The following ANKS1B variants were observed in gnomAD, a reference collection of about 807,000 sequenced individuals.
ANKS1B encodes the protein ankyrin repeat and sterile alpha motif domain containing 1B.
Under a neutral mutation model 148.3 loss-of-function variants are expected in ANKS1B, and 36 were observed. The ratio of observed to expected loss-of-function variants is 0.24; its 90% confidence interval spans 0.19 to 0.32. The LOEUF (loss-of-function observed/expected upper bound fraction) is 0.32, where lower values mean the gene tolerates loss of function less well. Among genes scored for constraint, ANKS1B ranks in the 10% least tolerant of loss-of-function variants. The probability of loss-of-function intolerance (pLI) is 1.00; values close to 1 mark genes in which losing one functional copy is unlikely to be tolerated. For synonymous variants in ANKS1B, 542 were observed against 560.8 expected (o/e 0.97, Z 0.47); for missense variants, 1,157 against 1,542.6 (o/e 0.75, Z 4.19).
At position 99,257,161 on chromosome 12, in the gene ANKS1B, G is replaced by A. The variant is rs917150119; in HGVS notation, c.1757-10297C>T. Among the ~76,000 whole-genome samples, 7 of 151,896 alleles carry A rather than the reference G, an allele frequency of 4.6e-5. No homozygotes were observed. In the East Asian group the frequency reaches 7.7e-4, roughly 17 times the overall value. ...CCGGAGGCTGAGGCAGGAGAATGGCGTGAACCCGGGAGGCGGAGCTTGCAG... is the reference window on the plus strand; with the variant it reads ...CCGGAGGCTGAGGCAGGAGAATGGCATGAACCCGGGAGGCGGAGCTTGCAG... On this transcript the variant is annotated intron_variant, in intron 12 of 26. Transcript: ENST00000683438.
intron 17 of ANKS1B, among the ~76,000 whole-genome samples, chr12:98,898,596 T>C (rs534013548): frequency 4.0e-4 from 61 of 152,288 alleles, no homozygotes; most frequent in African/African-American, 1.4e-3. Context: ...GATTCTGTGA[T>C]GCACCAGGAT....
intron 26 of ANKS1B, among the ~76,000 whole-genome samples, chr12:98,750,629 G>C (rs1385129833): frequency 1.3e-5 from 2 of 152,178 alleles, no homozygotes; most frequent in African/African-American, 4.8e-5. Flanking sequence ...CAATACGGCA[G>C]CCGGGGCAGA....
intron 22 of ANKS1B, among the ~76,000 whole-genome samples, chr12:98,798,497 A>C (rs1023975889): frequency 1.3e-5 from 2 of 152,058 alleles, no homozygotes; most frequent in African/African-American, 2.4e-5. Flanking sequence ...AAAATAAAAA[A>C]AAAAAACTGA....
chr12:99,693,754 C>G (rs1240277082), intron 8 of ANKS1B, among the ~76,000 whole-genome samples: 1 of 150,894 alleles, frequency 6.6e-6, no homozygotes, highest in East Asian at 2.0e-4. Context: ...TTCCTACACA[C>G]TGGTCTTTCA....
chr12:99,420,504 T>A (rs2152709709), intron 11 of ANKS1B, among the ~76,000 whole-genome samples: 1 of 152,314 alleles, frequency 6.6e-6, no homozygotes, highest in African/African-American at 2.4e-5. Flanking sequence ...TGTCATAATA[T>A]GATAGCAATA....
chr12:99,331,510 AAGC>A (rs1278652918), intron 12 of ANKS1B, among the ~76,000 whole-genome samples: 2 of 152,054 alleles, frequency 1.3e-5, no homozygotes, highest in East Asian at 3.9e-4. Context: ...GAGTTCTCCT[AAGC>A]CACCCTACAG....
intron 9 of ANKS1B, among the ~76,000 whole-genome samples, chr12:99,508,038 A>G (rs1487691575): frequency 6.6e-6 from 1 of 151,948 alleles, no homozygotes; most frequent in Non-Finnish European, 1.5e-5. Flanking sequence ...ATCAATAAAA[A>G]ATAAATTTTT....
chr12:99,780,095 A>T, intron 5 of ANKS1B, 123 bp from the exon 6 acceptor site: 1 of 702,976 alleles, frequency 1.4e-6, no homozygotes, highest in Non-Finnish European at 2.4e-6. Context: ...GATTTTTAAA[A>T]AATTAAGTTC....
intron 10 of ANKS1B, among the ~76,000 whole-genome samples, chr12:99,490,785 G>A (rs904130756): frequency 1.3e-5 from 2 of 152,154 alleles, no homozygotes; most frequent in African/African-American, 4.8e-5. Context: ...TGTAAAGACA[G>A]AACTAGTAGT....
intron 12 of ANKS1B, among the ~76,000 whole-genome samples, chr12:99,317,328 C>G (rs1425199872): frequency 6.6e-6 from 1 of 151,696 alleles, no homozygotes; most frequent in African/African-American, 2.4e-5. Context: ...TTTGTATCCT[C>G]TTTTATTTCA....
At chr12:99,557,663 C>T (rs1308986622) in intron 9 of ANKS1B, among the ~76,000 whole-genome samples, 2 of 152,166 alleles carry the variant, frequency 1.3e-5, no homozygotes, top group Non-Finnish European at 2.9e-5. Context: ...CTATGTCTGT[C>T]ATTTCAGCCA....
At chr12:99,727,387 C>G (rs990696592) in intron 8 of ANKS1B, among the ~76,000 whole-genome samples, 1 of 151,988 alleles carries the variant, frequency 6.6e-6, no homozygotes, top group Non-Finnish European at 1.5e-5. Flanking sequence ...CTCCCATTCA[C>G]AATTGCTATA....
chr12:99,325,079 C>T (rs996381543), intron 12 of ANKS1B, among the ~76,000 whole-genome samples: 5 of 152,042 alleles, frequency 3.3e-5, no homozygotes, highest in South Asian at 2.1e-4. Flanking sequence ...ACTGTATACA[C>T]GATGGTGGTC....
chr12:99,307,148 T>C (rs1282420961), intron 12 of ANKS1B, among the ~76,000 whole-genome samples: 1 of 152,138 alleles, frequency 6.6e-6, no homozygotes, highest in East Asian at 1.9e-4. Context: ...AGAATGAATT[T>C]AGAATCATTT....
chr12:99,309,876 T>C (rs746200723), intron 12 of ANKS1B, among the ~76,000 whole-genome samples: 3 of 152,142 alleles, frequency 2.0e-5, no homozygotes, highest in African/African-American at 4.8e-5. Flanking sequence ...GAACATTACT[T>C]AAAGATTTTA....
chr12:99,342,879 A>G (rs1383379593), intron 12 of ANKS1B, among the ~76,000 whole-genome samples: 1 of 151,932 alleles, frequency 6.6e-6, no homozygotes, highest in African/African-American at 2.4e-5. Flanking sequence ...TTTATGAATA[A>G]AGAAAAATCT....
intron 17 of ANKS1B, among the ~76,000 whole-genome samples, chr12:98,952,653 G>A (rs1178116228): frequency 6.6e-6 from 1 of 152,054 alleles, no homozygotes; most frequent in African/African-American, 2.4e-5. Flanking sequence ...CTTTGCCTAT[G>A]GTGATGACCC....
chr12:99,657,245 C>T (rs75686798), intron 8 of ANKS1B, among the ~76,000 whole-genome samples: 1 of 152,046 alleles, frequency 6.6e-6, no homozygotes, highest in East Asian at 1.9e-4. Flanking sequence ...CCCAAGGTCA[C>T]GAAGCTGGCA....
intron 1 of ANKS1B, among the ~76,000 whole-genome samples, chr12:99,846,055 C>G (rs2086620159): frequency 6.6e-6 from 1 of 152,104 alleles, no homozygotes; most frequent in African/African-American, 2.4e-5. Flanking sequence ...ATCTGCTCTC[C>G]TTTTGTTTAA....
Sources: allele counts gnomAD v4.1 joint callset (sites outside exome capture counted in the v4.1 genomes callset), GRCh38; gene constraint gnomAD v4.1.1; transcripts MANE v1.5; gene names NCBI Gene and HGNC (gene_info 2026-07-23, HGNC 2026-07-21).